Variants in LAMA2 observed in about 807,000 individuals in gnomAD.
The protein encoded by LAMA2 is laminin subunit alpha-2.
LAMA2 carries 269 observed loss-of-function variants against 364.8 expected under a neutral mutation model. The ratio of observed to expected loss-of-function variants is 0.74; its 90% CI spans 0.67 to 0.82. The LOEUF is 0.82. LAMA2 is among the 40% of genes least tolerant of loss of function. The pLI is 0.00. For missense variants in LAMA2, 3,807 were observed against 3,873.2 expected (o/e 0.98, Z 0.45); for synonymous variants, 1,379 against 1,370.6 (o/e 1.01, Z -0.14).
At position 129,366,241 on chromosome 6, in the gene LAMA2, CCTT is replaced by C. The variant is rs1554281282; in HGVS notation, c.4746_4748del (p.Leu1583del). The C allele has an allele frequency of 1.9e-6, 3 of 1,613,678 alleles. No individual in the cohort carries two copies. The highest frequency in any genetic ancestry group is 2.5e-6 in the Non-Finnish European group (3 of 1,179,944). On this transcript the variant is annotated inframe_deletion, in exon 33 of 65. Transcript: ENST00000421865. ...CAGTTTGTGGAGATGAGTGCACTGG[CCTT>C]CTTCTCGGTGACTTGGCTCGCCTGG...
At chr6:129,149,339 A>C (rs1778661768) in intron 7 of LAMA2, among the ~76,000 whole-genome samples, 2 of 152,142 alleles carry the variant, frequency 1.3e-5, no homozygotes, top group South Asian at 2.1e-4. Context: ...ATCATGGAGA[A>C]ACCTGTGTTT....
intron 3 of LAMA2, among the ~76,000 whole-genome samples, chr6:129,092,810 AT>A (rs1313310892): frequency 8.5e-5 from 13 of 152,320 alleles, no homozygotes; most frequent in Non-Finnish European, 1.3e-4. Context: ...AGTGACCTTC[AT>A]TAATATTTTT....
rs773498633 is a variant in LAMA2 at position 129,190,230 on chromosome 6, G to T, written c.1493G>T (p.Ser498Ile). 1 of 1,613,580 alleles carries T rather than the reference G, an allele frequency of 6.2e-7. No individual in the cohort carries two copies. Among genetic ancestry groups the T allele is most frequent in the African/African-American group, 1.3e-5 (1 of 74,932 alleles). The change falls in exon 11 of 65, where the codon AGT becomes ATT. Residue 498 changes from serine (S) to isoleucine (I), a missense_variant. Ser to Ile is a moderately radical substitution (Grantham distance 142). Around this residue, in one of 3 missense-constraint regions of LAMA2, gnomAD observed 3,333 missense variants for 3,345.7 expected, o/e 1.00. Coordinates refer to ENST00000421865, the MANE Select transcript of LAMA2 (RefSeq NM_000426.4). ...GAAAATGTTGAAGGAGGAGACTGTAGTCGTTGCAAATCCGGCTTCTTCAAT... is the reference window on the plus strand; with the variant it reads ...GAAAATGTTGAAGGAGGAGACTGTATTCGTTGCAAATCCGGCTTCTTCAAT... ...CKENVEGGDCSRCKSGFFNLQ... is the reference protein window; with the variant it reads ...CKENVEGGDCIRCKSGFFNLQ...
intron 56 of LAMA2, among the ~76,000 whole-genome samples, chr6:129,487,498 G>T (rs866545263): frequency 1.3e-5 from 2 of 152,112 alleles, no homozygotes; most frequent in Non-Finnish European, 1.5e-5. Flanking sequence ...AAAAGAACTG[G>T]AAATCCAATT....
chr6:129,388,085 C>T (rs565761197), intron 35 of LAMA2, among the ~76,000 whole-genome samples: 8 of 152,068 alleles, frequency 5.3e-5, no homozygotes, highest in African/African-American at 1.2e-4. Context: ...TGGCAAAACC[C>T]CATCTCTACT....
At chr6:129,297,134 A>T (rs916114776) in intron 20 of LAMA2, among the ~76,000 whole-genome samples, 1 of 152,198 alleles carries the variant, frequency 6.6e-6, no homozygotes, top group African/African-American at 2.4e-5. Context: ...GTGTAAGCAT[A>T]ACCTGAAAAT....
At chr6:129,282,264 T>C (rs1235619221) in intron 18 of LAMA2, among the ~76,000 whole-genome samples, 1 of 152,324 alleles carries the variant, frequency 6.6e-6, no homozygotes, top group African/African-American at 2.4e-5. Flanking sequence ...GCTCAGCATT[T>C]CCTAAACTTA....
At chr6:129,503,054 AT>A in intron 59 of LAMA2, 36 bp from the exon 60 acceptor site, 1 of 1,583,534 alleles carries the variant, frequency 6.3e-7, no homozygotes, top group African/African-American at 1.3e-5. Context: ...GAATGCTGTT[AT>A]TTTTCTGTTT....
chr6:129,173,661 C>T (rs538783633), intron 9 of LAMA2, among the ~76,000 whole-genome samples: 10 of 152,220 alleles, frequency 6.6e-5, no homozygotes, highest in South Asian at 2.1e-4. Context: ...GATACAGGCT[C>T]GAATTGCAAA....
intron 3 of LAMA2, among the ~76,000 whole-genome samples, chr6:129,077,107 C>T (rs1290855607): frequency 6.6e-6 from 1 of 152,064 alleles, no homozygotes. Flanking sequence ...TAAAAGCTTA[C>T]AGTTGTGGGC....
chr6:129,135,372 A>T (rs977796068), intron 4 of LAMA2, among the ~76,000 whole-genome samples: 1 of 152,240 alleles, frequency 6.6e-6, no homozygotes, highest in Non-Finnish European at 1.5e-5. Context: ...ACAAATGCTT[A>T]TTGAACCCTT....
intron 22 of LAMA2, among the ~76,000 whole-genome samples, chr6:129,304,408 T>C (rs918223006): frequency 1.8e-4 from 27 of 151,832 alleles, no homozygotes; most frequent in Non-Finnish European, 3.7e-4. Context: ...GGACTACAGG[T>C]GCCCGCCACT....
chr6:129,292,558 C>G (rs896143383), intron 20 of LAMA2, among the ~76,000 whole-genome samples: 2 of 152,108 alleles, frequency 1.3e-5, no homozygotes, highest in African/African-American at 4.8e-5. Flanking sequence ...CTGAACATAC[C>G]GATTGCCCTG....
intron 1 of LAMA2, among the ~76,000 whole-genome samples, chr6:128,980,166 T>A (rs1782776441): frequency 6.6e-6 from 1 of 152,166 alleles, no homozygotes; most frequent in South Asian, 2.1e-4. Flanking sequence ...AAGGCGATAA[T>A]CATCTTTCAT....
intron 1 of LAMA2, among the ~76,000 whole-genome samples, chr6:129,037,159 A>G (rs1193353891): frequency 1.3e-5 from 2 of 152,176 alleles, no homozygotes; most frequent in East Asian, 3.9e-4. Context: ...GCTTGCATGA[A>G]TATTTTTCAA....
At chr6:129,290,428 A>C (rs530346173) in intron 19 of LAMA2, among the ~76,000 whole-genome samples, 1 of 152,270 alleles carries the variant, frequency 6.6e-6, no homozygotes, top group African/African-American at 2.4e-5. Flanking sequence ...CTGAAGACAA[A>C]CTTTGCTGGA....
chr6:129,234,215 G>T (rs999723642), intron 12 of LAMA2, among the ~76,000 whole-genome samples: 1 of 152,128 alleles, frequency 6.6e-6, no homozygotes, highest in Admixed American at 6.6e-5. Flanking sequence ...GGAGATATAT[G>T]CATTAGATAA....
chr6:129,434,240 A>G (rs1410316249), intron 41 of LAMA2, among the ~76,000 whole-genome samples: 8 of 152,306 alleles, frequency 5.3e-5, no homozygotes, highest in Admixed American at 2.6e-4. Flanking sequence ...TGCCATTTCA[A>G]TGGGCATGTG....
Position 129,036,614 on chromosome 6 carries a change from T to C in LAMA2, c.113-13304T>C, listed in dbSNP as rs73773646. Among the ~76,000 whole-genome samples the C allele has an allele frequency of 4.5e-3, 680 of 151,546 alleles. 4 individuals are homozygous for C. The highest frequency in any genetic ancestry group is 0.016 in the African/African-American group (650 of 41,298). On this transcript the variant is annotated intron_variant, in intron 1 of 64. Coordinates refer to ENST00000421865, the MANE Select transcript of LAMA2 (RefSeq NM_000426.4). ...TAAAAATTAATTCAACAGAGAAACA[T>C]GTACTACTTTTTCTGATTAAAAAAA...
Sources: allele counts gnomAD v4.1 joint callset (sites outside exome capture counted in the v4.1 genomes callset), GRCh38; gene constraint gnomAD v4.1.1; regional missense constraint gnomAD v4.1.1; transcripts MANE v1.5; gene names NCBI Gene and HGNC (gene_info 2026-07-23, HGNC 2026-07-21).